The following VWCE variants were observed in gnomAD, a reference collection of about 807,000 sequenced individuals.
VWCE encodes the protein von Willebrand factor C and EGF domains, also known as von Willebrand factor C and EGF domain-containing protein.
In VWCE, 68 loss-of-function variants were observed where a neutral mutation model predicts 102.9. The ratio of observed to expected loss-of-function variants is 0.66; its 90% CI spans 0.54 to 0.81. VWCE has a LOEUF of 0.81. VWCE is among the 30% of genes least tolerant of loss of function. The pLI, the probability that VWCE is intolerant of heterozygous loss-of-function variation, is 0.00. For synonymous variants in VWCE, 497 were observed against 515.4 expected, an observed-to-expected ratio of 0.96 and a Z score of 0.48; for missense variants, 1,137 against 1,263.6, an observed-to-expected ratio of 0.90 and a Z score of 1.52.
chr11:61,290,797 A>G lies in VWCE; in HGVS notation c.424+2T>C, dbSNP rs761083184. 1.9e-6 allele frequency: 3 copies of G among 1,589,228 alleles called. No individual in the cohort carries two copies. The highest frequency in any genetic ancestry group is 2.6e-6 in the Non-Finnish European group (3 of 1,168,758). Reference sequence around the variant, plus strand: ...CTCCCCCACCACTCCCAGGCGTCTCACCTGTACACCTGATGCCAACAGCTG... The same window carrying G: ...CTCCCCCACCACTCCCAGGCGTCTCGCCTGTACACCTGATGCCAACAGCTG... On this transcript the variant is annotated splice_donor_variant, in intron 4 of 19. Coordinates refer to ENST00000335613, the MANE Select transcript of VWCE (RefSeq NM_152718.2). LOFTEE classifies it high-confidence loss of function.
At chr11:61,272,538 A>T (rs1482055677) in intron 13 of VWCE, among the ~76,000 whole-genome samples, 3 of 152,010 alleles carry the variant, frequency 2.0e-5, no homozygotes, top group African/African-American at 7.3e-5. Flanking sequence ...CACAGATACC[A>T]TTAACACACT....
chr11:61,264,648 G>T, intron 18 of VWCE, 71 bp from the exon 19 acceptor site: 1 of 1,475,096 alleles, frequency 6.8e-7, no homozygotes, highest in African/African-American at 1.4e-5. Flanking sequence ...GCCCTCAAGG[G>T]CCTCTTGCAC....
intron 6 of VWCE, among the ~76,000 whole-genome samples, chr11:61,282,346 C>T (rs1855170906): frequency 6.6e-6 from 1 of 152,230 alleles, no homozygotes; most frequent in African/African-American, 2.4e-5. Context: ...GCCCATGGGA[C>T]CCCACCTTAA....
intron 14 of VWCE, among the ~76,000 whole-genome samples, chr11:61,270,043 G>C (rs970776346): frequency 6.6e-6 from 1 of 150,890 alleles, no homozygotes; most frequent in Non-Finnish European, 1.5e-5. Context: ...TCAGCCTCCC[G>C]AGTAGCTGGG....
intron 14 of VWCE, 190 bp downstream of exon 14, chr11:61,271,485 G>A (rs541225174): frequency 4.6e-5 from 25 of 540,064 alleles, no homozygotes; most frequent in Non-Finnish European, 6.4e-5. Flanking sequence ...AAGCACCATC[G>A]TCCTCACACA....
At position 61,294,445 on chromosome 11, in the gene VWCE, C is replaced by T. The variant is rs1327270210; in HGVS notation, c.110+483G>A. Among the ~76,000 whole-genome samples, 1 of 152,220 alleles carries T rather than the reference C, an allele frequency of 6.6e-6. No individual in the cohort carries two copies. The highest frequency in any genetic ancestry group is 2.4e-5 in the African/African-American group (1 of 41,470). ...TGCACCCCACCCCCACGCGCGCACA[C>T]GCACGGACAGAAAACGAAAAGTGAC... is the stretch of plus-strand genomic sequence containing the variant. On this transcript the variant is annotated intron_variant, in intron 1 of 19. Coordinates refer to ENST00000335613, the MANE Select transcript of VWCE (RefSeq NM_152718.2). This position sits in a 1 kb window ranked among gnomAD's most constrained non-coding sequence, Gnocchi z 6.3.
chr11:61,276,439 T>C (rs12280596), intron 11 of VWCE, among the ~76,000 whole-genome samples, 154 bp downstream of exon 11: 13,852 of 148,918 alleles, frequency 0.093, 1,935 homozygotes, highest in African/African-American at 0.31. Flanking sequence ...AATGCAAAAC[T>C]GGGCTTGGGG....
intron 4 of VWCE, among the ~76,000 whole-genome samples, chr11:61,287,656 AC>A (rs1313815704): frequency 6.6e-6 from 1 of 152,190 alleles, no homozygotes; most frequent in Non-Finnish European, 1.5e-5. Context: ...CCCACCAGTG[AC>A]AGACTGGCCC....
chr11:61,276,468 A>G, intron 11 of VWCE, 125 bp downstream of exon 11: 1 of 679,718 alleles, frequency 1.5e-6, no homozygotes, highest in Non-Finnish European at 2.2e-6. Context: ...CTGTCATCCC[A>G]GCACTTTGAG....
At chr11:61,280,317 A>G (rs1462560479) in intron 9 of VWCE, among the ~76,000 whole-genome samples, 3 of 152,336 alleles carry the variant, frequency 2.0e-5, no homozygotes, top group East Asian at 1.9e-4. Flanking sequence ...AGCTGAAAAC[A>G]GATGCCCAGA....
At chr11:61,273,397 G>A in intron 12 of VWCE, 81 bp from the exon 13 acceptor site, 1 of 1,328,460 alleles carries the variant, frequency 7.5e-7, no homozygotes, top group Non-Finnish European at 1.0e-6. Context: ...GCCGCAGGCT[G>A]CCTGCCATCA....
Position 61,280,870 on chromosome 11 carries a change from G to A in VWCE, c.1153C>T (p.Pro385Ser), listed in dbSNP as rs1225920565. The change falls in exon 8 of 20, where the codon CCC (proline) becomes TCC (serine). Residue 385 changes from proline (P) to serine (S), a missense_variant. Transcript: ENST00000335613. ...TGCATGGCTCCCAGGTGCCAGCAGGGAGAGGGCCCTGCTGCCAGTCGGGGG... is the reference window on the plus strand; with the variant it reads ...TGCATGGCTCCCAGGTGCCAGCAGGAAGAGGGCCCTGCTGCCAGTCGGGGG... Reference protein sequence around the residue: ...ESPRLAAGPSPCWHLGAMHES... With the variant: ...ESPRLAAGPSSCWHLGAMHES... 2 of 1,536,748 alleles carry A rather than the reference G, an allele frequency of 1.3e-6. No homozygotes were observed. Among genetic ancestry groups the A allele is most frequent in the East Asian group, 2.3e-5 (1 of 44,232 alleles).
Position 61,258,835 on chromosome 11 carries a change from A to C in VWCE, c.2708T>G (p.Met903Arg), listed in dbSNP as rs1289166131. The C allele has an allele frequency of 8.6e-6, 13 of 1,515,120 alleles. No individual in the cohort carries two copies. The South Asian group carries it at 1.6e-4, about 19-fold the overall frequency. 93.9% of individuals were successfully genotyped at this position (1,515,120 alleles called of 1,614,324 possible). A position where few individuals can be genotyped will look rare whatever the true frequency, so the allele number is the denominator to read the frequency against. Reference sequence around the variant, plus strand: ...GGTCTTCGAGGGGCTGGGGTCCATCATGGAAAGTGCTGAAGCTTCCGTCAG... The same window carrying C: ...GGTCTTCGAGGGGCTGGGGTCCATCCTGGAAAGTGCTGAAGCTTCCGTCAG... ...TLLTEASALSMMDPSPSKTPI... is the reference protein window; with the variant it reads ...TLLTEASALSRMDPSPSKTPI... Residue 903 changes from methionine (M) to arginine (R), a missense_variant, in exon 20 of 20, where the codon ATG becomes AGG. Transcript: ENST00000335613.
At position 61,263,523 on chromosome 11, in the gene VWCE, T is replaced by G. The variant is rs1350003944; in HGVS notation, c.2230+964A>C. ...GAATGGGGAGATGATTGTCAAAGGG[T>G]ACACAATCTCAGCTAGACAGGAGAA... On this transcript the variant is annotated intron_variant, in intron 19 of 19. Transcript: ENST00000335613. Among the ~76,000 whole-genome samples, 4 of 152,100 alleles carry G rather than the reference T, an allele frequency of 2.6e-5. No homozygotes were observed. In the East Asian group the frequency reaches 7.7e-4, roughly 29 times the overall value.
In VWCE at chr11:61,295,157, A is replaced by C; in HGVS notation, c.-120T>G. ...GGGGAGCGAACCAGCGATCCCCGAA[A>C]TGGCACGCAGAGCTGAGCAGGGGGG... is the stretch of plus-strand genomic sequence containing the variant. On this transcript the variant is annotated 5_prime_UTR_variant, in exon 1 of 20. Transcript: ENST00000335613. This position sits in a 1 kb window ranked among gnomAD's most constrained non-coding sequence, Gnocchi z 4.6. The C allele has an allele frequency of 3.5e-6, 2 of 566,628 alleles. No individual in the cohort carries two copies. Among genetic ancestry groups the C allele is most frequent in the Non-Finnish European group, 5.4e-6 (2 of 373,600 alleles). The allele number at this position is 566,628 out of a possible 1,614,324, so 35.1% of individuals were successfully genotyped here.
chr11:61,285,177 C>T (rs770516058), intron 5 of VWCE, among the ~76,000 whole-genome samples: 5 of 152,024 alleles, frequency 3.3e-5, no homozygotes, highest in African/African-American at 7.2e-5. Flanking sequence ...GACTAAGACG[C>T]GCAGGCTATT....
chr11:61,278,220 T>A (rs1854988631), intron 10 of VWCE, among the ~76,000 whole-genome samples, 174 bp downstream of exon 10: 1 of 152,156 alleles, frequency 6.6e-6, no homozygotes, highest in East Asian at 1.9e-4. Flanking sequence ...CCTTCGTGTT[T>A]TACACTTCCC....
chr11:61,293,241 C>CA (rs764741197), intron 1 of VWCE, among the ~76,000 whole-genome samples: 1,372 of 17,896 alleles, frequency 0.077, 154 homozygotes, highest in Non-Finnish European at 0.096. Context: ...AACTCCATCT[C>CA]AAAAAAAAAA....
In VWCE at chr11:61,291,365, A is replaced by T; in HGVS notation, c.206-12T>A. 1 of 1,610,240 alleles carries T rather than the reference A, an allele frequency of 6.2e-7. No homozygotes were observed. Among genetic ancestry groups the T allele is most frequent in the African/African-American group, 1.3e-5 (1 of 75,020 alleles). On this transcript the variant is annotated splice_polypyrimidine_tract_variant and intron_variant, in intron 2 of 19. Coordinates refer to ENST00000335613, the MANE Select transcript of VWCE (RefSeq NM_152718.2). ...GAAGGAGCAGAGGGCTGAGAGGAGA[A>T]GTGCAGGTGAGACACGAGGAACTGG... is the stretch of plus-strand genomic sequence containing the variant.
Sources: gnomAD v4.1 joint callset for allele counts (sites outside exome capture counted in the v4.1 genomes callset) on GRCh38, gnomAD v4.1.1 for gene constraint, Gnocchi (gnomAD v3.1) non-coding constraint, MANE v1.5 for transcripts, NCBI Gene and HGNC (gene_info 2026-07-23, HGNC 2026-07-21) for gene names.